Variants in GTF2I observed in about 807,000 individuals in gnomAD.
GTF2I encodes general transcription factor II-I.
A neutral mutation model predicts 67.6 loss-of-function variants in GTF2I; 12 were observed. The observed-to-expected ratio is 0.18, with a 90% CI of 0.11 to 0.29. The LOEUF (loss-of-function observed/expected upper bound fraction) is 0.29. GTF2I is among the 10% of genes least tolerant of loss of function. The pLI is 1.00. For synonymous variants in GTF2I, 149 were observed against 197.0 expected, an observed-to-expected ratio of 0.76 and a Z score of 2.04; for missense variants, 271 against 580.1, an observed-to-expected ratio of 0.47 and a Z score of 5.47.
intron 1 of GTF2I, among the ~76,000 whole-genome samples, chr7:74,668,604 C>T (rs1304156022): frequency 6.6e-6 from 1 of 151,810 alleles, no homozygotes; most frequent in Non-Finnish European, 1.5e-5. Flanking sequence ...GATGGAGTCT[C>T]ACTCTGTCAC....
chr7:74,696,358 GTC>G (rs1409613986), intron 3 of GTF2I, among the ~76,000 whole-genome samples: 1 of 151,328 alleles, frequency 6.6e-6, no homozygotes, highest in African/African-American at 2.4e-5. Flanking sequence ...TTGAGACAGA[GTC>G]TCACTATCGC....
At chr7:74,672,375 T>C (rs1206036061) in intron 1 of GTF2I, among the ~76,000 whole-genome samples, 5 of 152,012 alleles carry the variant, frequency 3.3e-5, no homozygotes, top group African/African-American at 4.8e-5. Context: ...ACCCCGTCTC[T>C]ACTAAAATTA....
At chr7:74,685,888 C>T (rs916187686) in intron 1 of GTF2I, among the ~76,000 whole-genome samples, 2 of 149,736 alleles carry the variant, frequency 1.3e-5, no homozygotes, top group Admixed American at 1.3e-4. Flanking sequence ...CCCGTCTCTA[C>T]TAAAAAACAC....
At chr7:74,722,054 A>AG (rs1484983163) in intron 12 of GTF2I, among the ~76,000 whole-genome samples, 2 of 152,184 alleles carry the variant, frequency 1.3e-5, no homozygotes, top group Non-Finnish European at 2.9e-5. Context: ...AATCATTGGT[A>AG]GAAAAAAAAA....
At chr7:74,727,987 A>G (rs2131502481) in intron 12 of GTF2I, 1 of 152,362 alleles carries the variant, frequency 6.6e-6, no homozygotes, top group South Asian at 2.1e-4. Flanking sequence ...TTAAGCCCAT[A>G]CATTTTGCAC....
rs587687829 is a variant in GTF2I at position 74,725,601 on chromosome 7, G to A, written c.944-3185G>A. Among the ~76,000 whole-genome samples, 5 of 152,182 alleles carry A rather than the reference G, an allele frequency of 3.3e-5. No homozygotes were observed. In the South Asian group the frequency reaches 1.0e-3, roughly 32 times the overall value. On this transcript the variant is annotated intron_variant, in intron 12 of 34. Transcript: ENST00000573035. The stretch of plus-strand genomic sequence containing the variant: ...CCCAGCTATTTGGGAGGCTGAGGTG[G>A]GAGGATCACCTGAGCCTGGGAAGTC...
In GTF2I at chr7:74,698,984, G is replaced by T. The variant is rs1789361480; in HGVS notation, c.262G>T (p.Ala88Ser). Residue 88 changes from alanine to serine, a missense_variant, in exon 4 of 35, where the codon GCA (alanine) becomes TCA (serine). Ala to Ser is a moderately conservative substitution (Grantham distance 99). Transcript: ENST00000573035. The part of the protein sequence containing the change: ...KYCVEEEEKA[A>S]EMHKMKSTTQ... Reference sequence around the variant, plus strand: ...AGGTGTTGAAGAAGAAGAAAAAGCTGCAGAGATGCATAAAATGAAATCTAC... The same window carrying T: ...AGGTGTTGAAGAAGAAGAAAAAGCTTCAGAGATGCATAAAATGAAATCTAC... 1.4e-6 allele frequency: 2 copies of T among 1,456,806 alleles called. No homozygotes were observed. The highest frequency in any genetic ancestry group is 1.8e-4 in the Middle Eastern group (1 of 5,550). 90.2% of individuals were successfully genotyped at this position (1,456,806 alleles called of 1,614,324 possible). A position where few individuals can be genotyped will look rare whatever the true frequency, so the allele number is the denominator to read the frequency against.
chr7:74,722,055 G>GA (rs587685129), intron 12 of GTF2I, among the ~76,000 whole-genome samples: 7 of 150,424 alleles, frequency 4.7e-5, no homozygotes, highest in African/African-American at 7.3e-5. Context: ...ATCATTGGTA[G>GA]AAAAAAAAAC....
At chr7:74,692,621 ATATCTG>A (rs1280485581) in intron 3 of GTF2I, among the ~76,000 whole-genome samples, 13 of 152,184 alleles carry the variant, frequency 8.5e-5, no homozygotes, top group African/African-American at 3.1e-4. Context: ...GACCATTTTC[ATATCTG>A]TGTTTAACCT....
chr7:74,712,170 C>T (rs949092767), intron 9 of GTF2I, among the ~76,000 whole-genome samples: 1 of 151,952 alleles, frequency 6.6e-6, no homozygotes, highest in Non-Finnish European at 1.5e-5. Flanking sequence ...AGGCTGGTCT[C>T]GAGCTCCTGA....
chr7:74,726,898 C>A (rs1793872413), intron 12 of GTF2I: 1 of 115,160 alleles, frequency 8.7e-6, no homozygotes. Context: ...GAGACCCTGC[C>A]AATAGATAGA....
chr7:74,717,103 A>G (rs1229298267), intron 11 of GTF2I, 153 bp downstream of exon 11: 1 of 1,061,964 alleles, frequency 9.4e-7, no homozygotes, highest in African/African-American at 1.6e-5. Context: ...TTTTTTAAAA[A>G]TTCTAAGATG....
chr7:74,721,156 C>G (rs1460367987), intron 12 of GTF2I, among the ~76,000 whole-genome samples: 3 of 152,244 alleles, frequency 2.0e-5, no homozygotes, highest in Admixed American at 2.0e-4. Flanking sequence ...ATTCTCCTGC[C>G]TCAGCCTCCT....
intron 4 of GTF2I, chr7:74,699,856 A>G (rs1554399403): frequency 5.4e-6 from 1 of 185,010 alleles, no homozygotes; most frequent in Non-Finnish European, 1.1e-5. Flanking sequence ...TAAGTTTTCA[A>G]TGAGAATATT....
At chr7:74,661,742 A>G (rs1229808243) in intron 1 of GTF2I, among the ~76,000 whole-genome samples, 1 of 152,158 alleles carries the variant, frequency 6.6e-6, no homozygotes. Flanking sequence ...CTGACGGTAG[A>G]TTGCTCAGAA....
In GTF2I at chr7:74,726,570, C is replaced by T. The variant is rs1793805905; in HGVS notation, c.944-2216C>T. On this transcript the variant is annotated intron_variant, in intron 12 of 34. Transcript: ENST00000573035. ...TTTTAAAATTGTTTTCTGTCCTGGT[C>T]CCGTGGCTCATGCCTATAATCTCCG... is the stretch of plus-strand genomic sequence containing the variant. The T allele has an allele frequency of 1.3e-5, 2 of 152,182 alleles. 1 individual carries two copies. Among genetic ancestry groups the T allele is most frequent in the Non-Finnish European group, 2.9e-5 (2 of 68,042 alleles). 9.4% of individuals were successfully genotyped at this position (152,182 alleles called of 1,614,324 possible).
intron 14 of GTF2I, among the ~76,000 whole-genome samples, chr7:74,731,916 G>A (rs587621199): frequency 1.6e-4 from 25 of 151,890 alleles, no homozygotes; most frequent in African/African-American, 5.5e-4. Flanking sequence ...CTGTAACCTA[G>A]TGGTAAGATC....
intron 10 of GTF2I, among the ~76,000 whole-genome samples, chr7:74,716,221 G>A (rs1792244791): frequency 6.6e-6 from 1 of 152,040 alleles, no homozygotes; most frequent in African/African-American, 2.4e-5. Flanking sequence ...CTTTTTGTGA[G>A]TAAAACTTCT....
intron 8 of GTF2I, among the ~76,000 whole-genome samples, chr7:74,710,802 A>G (rs1791447490): frequency 6.6e-6 from 1 of 152,252 alleles, no homozygotes. Flanking sequence ...AGAAAAGAGC[A>G]GCACATAATT....
Sources: allele counts gnomAD v4.1 joint callset (sites outside exome capture counted in the v4.1 genomes callset), GRCh38; gene constraint gnomAD v4.1.1; transcripts MANE v1.5; gene names NCBI Gene and HGNC (gene_info 2026-07-23, HGNC 2026-07-21).